CRYZL1: variants seen among roughly 807,000 people sequenced by gnomAD.
The protein encoded by CRYZL1 is crystallin zeta like 1.
In CRYZL1, 34 loss-of-function variants were observed where a neutral mutation model predicts 50.6. The ratio of observed to expected loss-of-function variants is 0.67; its 90% CI spans 0.51 to 0.89. CRYZL1 has a LOEUF of 0.89. CRYZL1 is among the 40% of genes least tolerant of loss of function. CRYZL1 has a pLI of 0.00. For missense variants in CRYZL1, 354 were observed against 402.3 expected (o/e 0.88, Z 1.03); for synonymous variants, 125 against 134.3 (o/e 0.93, Z 0.48).
At chr21:33,637,749 C>T (rs1409809869) in intron 1 of CRYZL1, among the ~76,000 whole-genome samples, 2 of 130,614 alleles carry the variant, frequency 1.5e-5, no homozygotes, top group Non-Finnish European at 3.2e-5. Context: ...AACAGCTACA[C>T]AAGAGAAAAA....
chr21:33,599,470 T>G (rs753071782), intron 8 of CRYZL1, among the ~76,000 whole-genome samples: 1 of 152,222 alleles, frequency 6.6e-6, no homozygotes, highest in Non-Finnish European at 1.5e-5. Context: ...GACTTGTATA[T>G]TTAATAAAAC....
intron 6 of CRYZL1, among the ~76,000 whole-genome samples, chr21:33,610,839 C>T (rs1036600080): frequency 6.9e-6 from 1 of 145,356 alleles, no homozygotes; most frequent in Non-Finnish European, 1.5e-5. Context: ...TCAAGCGATT[C>T]TCCTGCCTCA....
At chr21:33,627,067 T>C (rs2087074590) in intron 2 of CRYZL1, among the ~76,000 whole-genome samples, 1 of 152,234 alleles carries the variant, frequency 6.6e-6, no homozygotes, top group Non-Finnish European at 1.5e-5. Context: ...CTGGAGATGT[T>C]TCTTCCCAAG....
chr21:33,590,571 C>T (rs190705349), intron 12 of CRYZL1, among the ~76,000 whole-genome samples: 11 of 152,160 alleles, frequency 7.2e-5, no homozygotes, highest in African/African-American at 1.9e-4. Flanking sequence ...TTCGCCACCA[C>T]GCTCAGCGAA....
intron 1 of CRYZL1, among the ~76,000 whole-genome samples, chr21:33,635,345 AC>A (rs1408681944): frequency 7.1e-6 from 1 of 140,290 alleles, no homozygotes; most frequent in Non-Finnish European, 1.5e-5. Flanking sequence ...AAAGTATTAA[AC>A]TTTTTTTTTT....
chr21:33,589,873 C>T lies in CRYZL1; in HGVS notation c.999G>A (p.Met333Ile). 6.2e-7 allele frequency: 1 copy of T among 1,612,628 alleles called. No individual in the cohort carries two copies. Among genetic ancestry groups the T allele is most frequent in the Non-Finnish European group, 8.5e-7 (1 of 1,179,468 alleles). The stretch of plus-strand genomic sequence containing the variant: ...TTCCTTGATTTTTCTGAACAGCTTC[C>T]ATGGAAACTTTTGCCTCATACAGTG... ...PIPLYEAKVSMEAVQKNQGRK... is the reference protein window; with the variant it reads ...PIPLYEAKVSIEAVQKNQGRK... Residue 333 changes from methionine to isoleucine, a missense_variant, in exon 13 of 13, where the codon ATG becomes ATA. Met to Ile is a conservative substitution (Grantham distance 10, BLOSUM62 1). Coordinates refer to ENST00000381554, the MANE Select transcript of CRYZL1 (RefSeq NM_145858.3).
intron 1 of CRYZL1, chr21:33,641,291 G>T (rs1383767895): frequency 6.5e-7 from 1 of 1,549,478 alleles, no homozygotes. Flanking sequence ...AAAGTGATGA[G>T]GAAGAAAGAA....
intron 6 of CRYZL1, among the ~76,000 whole-genome samples, chr21:33,610,726 T>TG (rs769354655): frequency 6.9e-6 from 1 of 144,188 alleles, no homozygotes; most frequent in Non-Finnish European, 1.5e-5. Context: ...CTTGTTTGGT[T>TG]GTTTTTTTTT....
At chr21:33,602,470 A>G (rs2086767040) in intron 7 of CRYZL1, 125 bp from the exon 8 acceptor site, 1 of 446,686 alleles carries the variant, frequency 2.2e-6, no homozygotes. Flanking sequence ...TTAAAATGTT[A>G]TCTAATAGGA....
At chr21:33,629,748 G>T (rs1478667745) in intron 2 of CRYZL1, among the ~76,000 whole-genome samples, 1 of 152,090 alleles carries the variant, frequency 6.6e-6, no homozygotes, top group African/African-American at 2.4e-5. Flanking sequence ...AATTGCTCTG[G>T]CTAGGACTTC....
intron 5 of CRYZL1, among the ~76,000 whole-genome samples, chr21:33,614,506 A>G (rs550898531): frequency 6.6e-6 from 1 of 152,208 alleles, no homozygotes; most frequent in Non-Finnish European, 1.5e-5. Context: ...AGAAACAAAT[A>G]AACAAAATTG....
Position 33,619,113 on chromosome 21 carries a change from T to C in CRYZL1, c.218-2363A>G, listed in dbSNP as rs185321329. ...TCTAAACTCATAATATTCCTCCAAA[T>C]TGGATCATCTTCCTTTATCAAATGT... is the stretch of plus-strand genomic sequence containing the variant. On this transcript the variant is annotated intron_variant, in intron 4 of 12. Coordinates refer to ENST00000381554, the MANE Select transcript of CRYZL1 (RefSeq NM_145858.3). 1.9e-3 allele frequency among the ~76,000 whole-genome samples: 283 copies of C among 152,314 alleles called. 1 individual carries two copies. The highest frequency in any genetic ancestry group is 2.8e-3 in the Non-Finnish European group (190 of 68,038).
chr21:33,630,579 C>A (rs760203735), intron 2 of CRYZL1, among the ~76,000 whole-genome samples: 44 of 150,422 alleles, frequency 2.9e-4, no homozygotes, highest in Non-Finnish European at 5.8e-4. Context: ...GAGTGAGACT[C>A]TGTCGCAATT....
intron 3 of CRYZL1, among the ~76,000 whole-genome samples, 155 bp downstream of exon 3, chr21:33,624,528 A>G (rs563202026): frequency 9.2e-4 from 140 of 152,336 alleles, no homozygotes; most frequent in Middle Eastern, 3.4e-3. Context: ...CAGCCTGGGC[A>G]ACAAGAGTGA....
chr21:33,599,147 T>C lies in CRYZL1; in HGVS notation c.676+3A>G. The C allele has an allele frequency of 1.2e-6, 2 of 1,613,824 alleles. No homozygotes were observed. The highest frequency in any genetic ancestry group is 2.2e-5 in the South Asian group (2 of 91,048). ...CAGGCTACTAATTTCATAAGGTACC[T>C]ACCTCCAGCATCTAGGACAATATCT... is the stretch of plus-strand genomic sequence containing the variant. On this transcript the variant is annotated splice_donor_region_variant and intron_variant, in intron 9 of 12. Coordinates refer to ENST00000381554, the MANE Select transcript of CRYZL1 (RefSeq NM_145858.3).
chr21:33,598,910 T>C (rs1239583661), intron 9 of CRYZL1, among the ~76,000 whole-genome samples: 1 of 151,832 alleles, frequency 6.6e-6, no homozygotes, highest in East Asian at 1.9e-4. Context: ...AGCCAAAAGA[T>C]TGGACACCCC....
intron 1 of CRYZL1, among the ~76,000 whole-genome samples, chr21:33,632,447 G>C (rs2087151638): frequency 6.6e-6 from 1 of 151,856 alleles, no homozygotes; most frequent in East Asian, 1.9e-4. Flanking sequence ...GCACGATCTT[G>C]GCTCACTGCA....
chr21:33,598,772 G>A (rs551162982), intron 9 of CRYZL1, among the ~76,000 whole-genome samples: 3 of 149,516 alleles, frequency 2.0e-5, no homozygotes, highest in African/African-American at 4.9e-5. Flanking sequence ...ACACAAATTC[G>A]TAACTTTCTT....
At chr21:33,608,063 T>A (rs1040195067) in intron 6 of CRYZL1, among the ~76,000 whole-genome samples, 6 of 152,246 alleles carry the variant, frequency 3.9e-5, no homozygotes, top group African/African-American at 1.4e-4. Flanking sequence ...ACATATTTTA[T>A]GATGAAAACA....
Sources: gnomAD v4.1 joint callset for allele counts (sites outside exome capture counted in the v4.1 genomes callset) on GRCh38, gnomAD v4.1.1 for gene constraint, MANE v1.5 for transcripts, NCBI Gene and HGNC (gene_info 2026-07-23, HGNC 2026-07-21) for gene names.